The following FAM98A variants were observed in gnomAD, a reference collection of about 807,000 sequenced individuals.
FAM98A encodes tRNA splicing ligase complex subunit 3A, also known as protein FAM98A.
A neutral mutation model predicts 62.9 loss-of-function variants in FAM98A; 25 were observed. That is an observed-to-expected ratio of 0.40 (90% CI 0.29 to 0.56). The LOEUF is 0.56. FAM98A is among the 20% of genes least tolerant of loss of function. FAM98A has a pLI of 0.51. For missense variants in FAM98A, 653 were observed against 640.7 expected (o/e 1.02, Z -0.21); for synonymous variants, 252 against 228.6 (o/e 1.10, Z -0.92).
At position 33,585,058 on chromosome 2, in the gene FAM98A, G is replaced by A. The variant is rs1210967358; in HGVS notation, c.1275C>T (p.Gly425=). ...CTGTATATGAAGAAGATGTTTGGAA[G>A]CCACCATAACCTCCGCCTTGATAGC... The part of the protein sequence containing the change: ...SGGYQGGGYG[G]FQTSSSYTGS... The change falls in exon 8 of 8, where the codon GGC becomes GGT. Residue 425 remains glycine (G), a synonymous_variant. Transcript: ENST00000238823. 2 of 1,613,994 alleles carry A rather than the reference G, an allele frequency of 1.2e-6. No homozygotes were observed. The highest frequency in any genetic ancestry group is 1.7e-6 in the Non-Finnish European group (2 of 1,180,032).
rs1312339456 is a variant in FAM98A at position 33,584,187 on chromosome 2, T to A, written c.*589A>T. On this transcript the variant is annotated 3_prime_UTR_variant, in exon 8 of 8. Transcript: ENST00000238823. The stretch of plus-strand genomic sequence containing the variant: ...TCAGAGTTGAGCATATGATACAGTA[T>A]TCCATCAACAAAATAAGGCTACTGA... 2 of 153,196 alleles carry A rather than the reference T, an allele frequency of 1.3e-5. No individual in the cohort carries two copies. The highest frequency in any genetic ancestry group is 2.9e-5 in the Non-Finnish European group (2 of 68,536). The allele number at this position is 153,196 out of a possible 1,614,324, so 9.5% of individuals were successfully genotyped here. A position where few individuals can be genotyped will look rare whatever the true frequency, so the allele number is the denominator to read the frequency against.
Position 33,586,417 on chromosome 2 carries a change from G to C in FAM98A, c.720+145C>G, listed in dbSNP as rs568279824. ...TCATCATTGCTGAATAGTTGAAAGA[G>C]CCACTACTCAATAACTCACTAAGGA... On this transcript the variant is annotated intron_variant, in intron 6 of 7. Coordinates refer to ENST00000238823, the MANE Select transcript of FAM98A (RefSeq NM_015475.5). The C allele has an allele frequency of 1.2e-4, 66 of 537,848 alleles. No homozygotes were observed. In the Middle Eastern group the frequency reaches 3.1e-3, roughly 26 times the overall value. The allele number at this position is 537,848 out of a possible 1,614,324, so 33.3% of individuals were successfully genotyped here.
chr2:33,593,254 A>G lies in FAM98A; in HGVS notation c.203-1040T>C, dbSNP rs114739176. Among the ~76,000 whole-genome samples the G allele has an allele frequency of 9.8e-3, 1,487 of 152,184 alleles. 22 individuals carry two copies. Among genetic ancestry groups the G allele is most frequent in the African/African-American group, 0.034 (1,393 of 41,510 alleles). On this transcript the variant is annotated intron_variant, in intron 2 of 7. Transcript: ENST00000238823. ...CCCCGTCTCTAAGAAAAATAACAAA[A>G]ATCAGCCAGTTGTCGTGGCACATGC...
intron 4 of FAM98A, chr2:33,588,078 C>T: frequency 2.2e-6 from 1 of 457,516 alleles, no homozygotes. Flanking sequence ...TTATATCTAG[C>T]TTACTTTAGC....
chr2:33,594,377 CAG>C (rs1361136941), intron 2 of FAM98A, among the ~76,000 whole-genome samples: 2 of 151,400 alleles, frequency 1.3e-5, no homozygotes, highest in Non-Finnish European at 2.9e-5. Context: ...CACATGGACA[CAG>C]GGAGGGGAAC....
At chr2:33,596,847 G>A (rs934245852) in intron 1 of FAM98A, among the ~76,000 whole-genome samples, 4 of 136,266 alleles carry the variant, frequency 2.9e-5, no homozygotes, top group Non-Finnish European at 4.5e-5. Flanking sequence ...AGCCGAGATC[G>A]CACTACTGCA....
In FAM98A at chr2:33,585,134, C is replaced by T. The variant is rs764994064; in HGVS notation, c.1199G>A (p.Arg400Gln). The change falls in exon 8 of 8, where the codon CGA (arginine) becomes CAA (glutamine). Residue 400 changes from arginine to glutamine, a missense_variant. Physicochemically the swap from Arg to Gln is conservative, Grantham distance 43. Transcript: ENST00000238823. ...GCCACCTGGCTGGAAACCTGAATCTCGATAACCACCATCTTGGTAGCCACC... is the reference window on the plus strand; with the variant it reads ...GCCACCTGGCTGGAAACCTGAATCTTGATAACCACCATCTTGGTAGCCACC... ...GGGGYQDGGYRDSGFQPGGYH... is the reference protein window; with the variant it reads ...GGGGYQDGGYQDSGFQPGGYH... 2.2e-5 allele frequency: 36 copies of T among 1,614,042 alleles called. No individual in the cohort carries two copies. Among genetic ancestry groups the T allele is most frequent in the Non-Finnish European group, 3.1e-5 (36 of 1,180,030 alleles).
intron 3 of FAM98A, among the ~76,000 whole-genome samples, chr2:33,591,226 T>C (rs1477853122): frequency 1.3e-5 from 2 of 151,440 alleles, no homozygotes; most frequent in African/African-American, 2.4e-5. Context: ...CCTTAAAAAC[T>C]GAAGTTGTAT....
chr2:33,596,251 A>G (rs1335775152), intron 1 of FAM98A, among the ~76,000 whole-genome samples: 2 of 152,206 alleles, frequency 1.3e-5, no homozygotes, highest in Admixed American at 6.5e-5. Flanking sequence ...CTTTCCAGTT[A>G]ACCATTTATA....
At position 33,585,581 on chromosome 2, in the gene FAM98A, T is replaced by C. The variant is rs371527406; in HGVS notation, c.837A>G (p.Leu279=). Reference sequence around the variant, plus strand: ...CTCTTATAGAGCCGCTGCTTGTCCTTAAAATCTTTGACAAGTCCTGCCTTG... The same window carrying C: ...CTCTTATAGAGCCGCTGCTTGTCCTCAAAATCTTTGACAAGTCCTGCCTTG... ...LAARQDLSKI[L]RTSSGSIREK... The change falls in exon 7 of 8, where the codon TTA becomes TTG. Residue 279 remains leucine (L), a synonymous_variant. Coordinates refer to ENST00000238823, the MANE Select transcript of FAM98A (RefSeq NM_015475.5). 1.5e-5 allele frequency: 24 copies of C among 1,614,102 alleles called. No individual in the cohort carries two copies. The African/African-American group carries it at 3.1e-4, about 21-fold the overall frequency.
rs756523515 is a variant in FAM98A, at chr2:33,585,259, G to A, written c.1074C>T (p.Gly358=). 5.0e-6 allele frequency: 8 copies of A among 1,613,588 alleles called. No individual in the cohort carries two copies. Among genetic ancestry groups the A allele is most frequent in the Middle Eastern group, 1.6e-4 (1 of 6,082 alleles). Residue 358 remains glycine, a synonymous_variant, in exon 8 of 8, where the codon GGC becomes GGT. Transcript: ENST00000238823. Reference sequence around the variant, plus strand: ...CATAGCCACCACGTCCACCTCTCCCGCCTCCTTGTTCATGACCTCCTCGTC... The same window carrying A: ...CATAGCCACCACGTCCACCTCTCCCACCTCCTTGTTCATGACCTCCTCGTC... ...YGGRGGHEQG[G]GRGGRGGYDH... is the part of the protein sequence containing the mutation.
intron 4 of FAM98A, chr2:33,588,118 A>G (rs1677598449): frequency 1.8e-6 from 1 of 556,634 alleles, no homozygotes. Context: ...TTCCTTTTTG[A>G]AAAAGAAACA....
intron 1 of FAM98A, among the ~76,000 whole-genome samples, chr2:33,598,932 G>A (rs964566294): frequency 6.6e-6 from 1 of 152,098 alleles, no homozygotes; most frequent in African/African-American, 2.4e-5. Flanking sequence ...CAAACGCTGC[G>A]GGTAGCTCGC....
chr2:33,591,920 C>T, intron 3 of FAM98A, 160 bp downstream of exon 3: 1 of 618,074 alleles, frequency 1.6e-6, no homozygotes, highest in Non-Finnish European at 2.8e-6. Flanking sequence ...ACACGTCTAC[C>T]CTCAGCTCCT....
intron 1 of FAM98A, 147 bp downstream of exon 1, chr2:33,599,022 T>C (rs1486720251): frequency 3.4e-5 from 25 of 733,904 alleles, no homozygotes; most frequent in African/African-American, 1.0e-4. Context: ...GGACGTGGCA[T>C]TGGGGGTGCC....
chr2:33,590,117 G>A (rs1677639815), intron 3 of FAM98A, among the ~76,000 whole-genome samples: 1 of 152,066 alleles, frequency 6.6e-6, no homozygotes, highest in Non-Finnish European at 1.5e-5. Context: ...GACCTCTTCC[G>A]ATAATCTAGT....
chr2:33,595,371 A>T (rs1179923290), intron 2 of FAM98A, 118 bp downstream of exon 2: 8 of 839,766 alleles, frequency 9.5e-6, no homozygotes, highest in Non-Finnish European at 1.4e-5. Flanking sequence ...TGGCTTCTTT[A>T]CAAATTTTTT....
chr2:33,599,105 CAGG>C (rs937193736), intron 1 of FAM98A, 61 bp downstream of exon 1: 11 of 1,358,972 alleles, frequency 8.1e-6, no homozygotes, highest in African/African-American at 1.4e-5. Flanking sequence ...GACTGGGGCG[CAGG>C]AGGTGTTCCC....
chr2:33,587,172 A>T, intron 5 of FAM98A, 68 bp downstream of exon 5: 1 of 950,258 alleles, frequency 1.1e-6, no homozygotes, highest in Non-Finnish European at 1.7e-6. Flanking sequence ...ACAAAATGTA[A>T]GTGTTGACAT....
Sources: allele counts gnomAD v4.1 joint callset (sites outside exome capture counted in the v4.1 genomes callset), GRCh38; gene constraint gnomAD v4.1.1; transcripts MANE v1.5; gene names NCBI Gene and HGNC (gene_info 2026-07-23, HGNC 2026-07-21).